DNAH7: variants seen among roughly 807,000 people sequenced by gnomAD.
The protein encoded by DNAH7 is axonemal beta dynein heavy chain 7.
Under a neutral mutation model 444.6 loss-of-function variants are expected in DNAH7, and 397 were observed. The observed-to-expected ratio is 0.89, with a 90% confidence interval of 0.82 to 0.97. DNAH7 has a LOEUF of 0.97. DNAH7 is among the 50% of genes least tolerant of loss of function. DNAH7 has a pLI of 0.00. For missense variants in DNAH7, 4,902 were observed against 4,800.8 expected (o/e 1.02, Z -0.62); for synonymous variants, 1,636 against 1,624.4 (o/e 1.01, Z -0.17).
intron 58 of DNAH7, among the ~76,000 whole-genome samples, chr2:195,779,140 G>C (rs1559090379): frequency 6.6e-6 from 1 of 152,138 alleles, no homozygotes; most frequent in African/African-American, 2.4e-5. Flanking sequence ...ACCGCTCCCA[G>C]CCAGACTGTA....
chr2:195,811,221 C>T (rs1292387123), intron 51 of DNAH7, among the ~76,000 whole-genome samples: 9 of 152,152 alleles, frequency 5.9e-5, no homozygotes, highest in Admixed American at 5.9e-4. Context: ...GAATTTATAT[C>T]AGGAATCTGC....
At chr2:195,978,299 T>C (rs1315503491) in intron 15 of DNAH7, among the ~76,000 whole-genome samples, 3 of 152,154 alleles carry the variant, frequency 2.0e-5, no homozygotes, top group Non-Finnish European at 2.9e-5. Flanking sequence ...TTTTTCTTGC[T>C]TATTTGTTTA....
intron 36 of DNAH7, among the ~76,000 whole-genome samples, chr2:195,880,636 C>T (rs183188859): frequency 7.9e-5 from 12 of 152,168 alleles, no homozygotes; most frequent in African/African-American, 2.9e-4. Context: ...CTGCGCCCGG[C>T]CTGCAAACTT....
At chr2:195,901,679 A>G (rs1256468103) in intron 27 of DNAH7, 1 of 152,120 alleles carries the variant, frequency 6.6e-6, no homozygotes, top group Non-Finnish European at 1.5e-5. Context: ...GGTTTACCAG[A>G]TTATGTTAGT....
At chr2:195,892,817 T>A (rs1702089441) in intron 30 of DNAH7, 1 of 152,064 alleles carries the variant, frequency 6.6e-6, no homozygotes, top group African/African-American at 2.4e-5. Flanking sequence ...TGGCAATCAT[T>A]TATTTTTTAT....
intron 64 of DNAH7, among the ~76,000 whole-genome samples, chr2:195,738,788 A>G (rs1271956915): frequency 6.6e-6 from 1 of 152,168 alleles, no homozygotes; most frequent in African/African-American, 2.4e-5. Flanking sequence ...ATTTAATTCA[A>G]TTTATTTTTC....
At chr2:195,742,722 T>C (rs1012542807) in intron 63 of DNAH7, among the ~76,000 whole-genome samples, 7 of 152,328 alleles carry the variant, frequency 4.6e-5, no homozygotes, top group African/African-American at 1.7e-4. Flanking sequence ...GTTTTTCTAG[T>C]TCCTCTCTTT....
At chr2:196,003,597 A>T (rs556923454) in intron 10 of DNAH7, among the ~76,000 whole-genome samples, 13 of 152,208 alleles carry the variant, frequency 8.5e-5, no homozygotes, top group Non-Finnish European at 1.6e-4. Flanking sequence ...AGGCATTCAT[A>T]AGGAAGATAT....
intron 27 of DNAH7, chr2:195,902,940 T>C (rs975022367): frequency 2.6e-5 from 4 of 152,174 alleles, no homozygotes; most frequent in African/African-American, 4.8e-5. Context: ...AGCAGTAAGT[T>C]TGAAGATAAT....
At chr2:195,739,476 C>T (rs913316692) in intron 64 of DNAH7, among the ~76,000 whole-genome samples, 1 of 152,148 alleles carries the variant, frequency 6.6e-6, no homozygotes, top group Non-Finnish European at 1.5e-5. Context: ...AAGCCATTTT[C>T]TCATGATGCA....
At chr2:195,811,262 G>A (rs1696955757) in intron 51 of DNAH7, among the ~76,000 whole-genome samples, 1 of 152,126 alleles carries the variant, frequency 6.6e-6, no homozygotes, top group African/African-American at 2.4e-5. Context: ...CTAATTTTGG[G>A]ATTTCAGCCT....
At chr2:196,033,018 A>C (rs973928568) in intron 5 of DNAH7, among the ~76,000 whole-genome samples, 3 of 152,222 alleles carry the variant, frequency 2.0e-5, no homozygotes, top group African/African-American at 7.2e-5. Context: ...TGATCACCTC[A>C]ACAGACACAG....
At position 195,754,348 on chromosome 2, in the gene DNAH7, G is replaced by A. The variant is rs1277796053; in HGVS notation, c.11753C>T (p.Pro3918Leu). 9 of 1,613,746 alleles carry A rather than the reference G, an allele frequency of 5.6e-6. No individual in the cohort carries two copies. Among genetic ancestry groups the A allele is most frequent in the Non-Finnish European group, 7.6e-6 (9 of 1,179,756 alleles). ...GTCCCTGCACTTACCATCCTCAGGA[G>A]GATGCTTGTATTCTTTGTCTTCCAT... ...EVMEDKEYKHPPEDGVFIHGL... is the reference protein window; with the variant it reads ...EVMEDKEYKHLPEDGVFIHGL... The change falls in exon 63 of 65, where the codon CCT becomes CTT. Residue 3918 changes from proline (P) to leucine (L), a missense_variant. Pro to Leu is a moderately conservative substitution (Grantham distance 98, BLOSUM62 -3). Transcript: ENST00000312428.
chr2:195,880,955 A>G (rs1433003696), intron 36 of DNAH7, among the ~76,000 whole-genome samples: 2 of 151,438 alleles, frequency 1.3e-5, no homozygotes, highest in African/African-American at 4.9e-5. Flanking sequence ...ACCCATGGTG[A>G]TATCTTAGAT....
At chr2:195,758,556 C>CA (rs746154592) in intron 61 of DNAH7, among the ~76,000 whole-genome samples, 3 of 152,168 alleles carry the variant, frequency 2.0e-5, no homozygotes, top group Non-Finnish European at 4.4e-5. Context: ...ACTATCTACA[C>CA]AAAAAAGCAA....
intron 27 of DNAH7, chr2:195,904,130 A>C (rs1686872459): frequency 6.6e-6 from 1 of 152,272 alleles, no homozygotes; most frequent in Admixed American, 6.6e-5. Flanking sequence ...TGACAACTGG[A>C]GAAACAGAAT....
intron 36 of DNAH7, among the ~76,000 whole-genome samples, chr2:195,880,255 C>T (rs1218498683): frequency 6.6e-6 from 1 of 151,896 alleles, no homozygotes; most frequent in Admixed American, 6.6e-5. Context: ...GGATATTTTC[C>T]TAAACAAATA....
intron 47 of DNAH7, among the ~76,000 whole-genome samples, chr2:195,835,441 T>C (rs1311120968): frequency 1.4e-5 from 2 of 147,368 alleles, no homozygotes; most frequent in Non-Finnish European, 3.0e-5. Flanking sequence ...CAGGATAACA[T>C]ATTAAATTCA....
At position 195,938,409 on chromosome 2, in the gene DNAH7, C is replaced by T. The variant is rs138904534; in HGVS notation, c.3079-1617G>A. On this transcript the variant is annotated intron_variant, in intron 19 of 64. Coordinates refer to ENST00000312428, the MANE Select transcript of DNAH7 (RefSeq NM_018897.3). ...ACACACACAGCATAACAGACTCAGG[C>T]CATCATGTTCGCCTAAATCCAAATA... Among the ~76,000 whole-genome samples, 119 of 150,878 alleles carry T rather than the reference C, an allele frequency of 7.9e-4. 2 individuals carry two copies. The East Asian group carries it at 0.021, about 27-fold the overall frequency.
Sources: gnomAD v4.1 joint callset for allele counts (sites outside exome capture counted in the v4.1 genomes callset) on GRCh38, gnomAD v4.1.1 for gene constraint, MANE v1.5 for transcripts, NCBI Gene and HGNC (gene_info 2026-07-23, HGNC 2026-07-21) for gene names.